EYS: variants seen among roughly 807,000 people sequenced by gnomAD.
The protein encoded by EYS is EGF-like photoreceptor maintenance factor.
Under a neutral mutation model 282.1 loss-of-function variants are expected in EYS, and 250 were observed. That is an observed-to-expected ratio of 0.89 (90% CI 0.80 to 0.98). The LOEUF is 0.98. Ranked by LOEUF, EYS falls within the 50% of genes least tolerant of loss-of-function variation. The pLI is 0.00. For synonymous variants in EYS, 1,355 were observed against 1,282.9 expected, an observed-to-expected ratio of 1.06 and a Z score of -1.20; for missense variants, 4,016 against 3,709.0, an observed-to-expected ratio of 1.08 and a Z score of -2.15.
At chr6:64,896,760 T>C (rs565626062) in intron 18 of EYS, among the ~76,000 whole-genome samples, 4 of 151,994 alleles carry the variant, frequency 2.6e-5, no homozygotes, top group Non-Finnish European at 4.4e-5. Flanking sequence ...TGGAGTTTAG[T>C]TGAGGGAGGG....
intron 22 of EYS, among the ~76,000 whole-genome samples, chr6:64,732,050 C>A (rs531578600): frequency 6.6e-6 from 1 of 152,102 alleles, no homozygotes; most frequent in South Asian, 2.1e-4. Flanking sequence ...TCTCAGCAAA[C>A]TAACAGAGGA....
intron 2 of EYS, among the ~76,000 whole-genome samples, chr6:65,527,207 A>G (rs1234192484): frequency 6.6e-6 from 1 of 152,178 alleles, no homozygotes; most frequent in East Asian, 1.9e-4. Flanking sequence ...TATTCTGGTT[A>G]ACCCCAAGTA....
In EYS at chr6:65,495,389, T is replaced by C; in HGVS notation, c.22A>G (p.Ile8Val). ...CTGTGAAAAACCATCAGGCTCAGAA[T>C]GACGATTGATTTGTCAGTCATTTTC... MTDKSIVILSLMVFHSSF... is the reference protein window; with the variant it reads MTDKSIVVLSLMVFHSSF... Residue 8 changes from isoleucine (I) to valine (V), a missense_variant, in exon 4 of 43, where the codon ATT (isoleucine) becomes GTT (valine). Physicochemically the swap from Ile to Val is conservative, Grantham distance 29. Coordinates refer to ENST00000503581, the MANE Select transcript of EYS (RefSeq NM_001142800.2). 6.2e-7 allele frequency: 1 copy of C among 1,611,806 alleles called. No individual in the cohort carries two copies. Among genetic ancestry groups the C allele is most frequent in the Non-Finnish European group, 8.5e-7 (1 of 1,179,990 alleles).
At chr6:64,567,753 A>G (rs1277286082) in intron 26 of EYS, among the ~76,000 whole-genome samples, 1 of 152,240 alleles carries the variant, frequency 6.6e-6, no homozygotes, top group Non-Finnish European at 1.5e-5. Flanking sequence ...ATAAAAATGT[A>G]ATTTACAAAA....
At chr6:64,450,341 C>T (rs912147268) in intron 26 of EYS, among the ~76,000 whole-genome samples, 1 of 152,154 alleles carries the variant, frequency 6.6e-6, no homozygotes, top group South Asian at 2.1e-4. Context: ...AATACAGGAG[C>T]ACCCAGATTC....
At chr6:64,942,827 CAA>C (rs34826658) in intron 15 of EYS, among the ~76,000 whole-genome samples, 3 of 94,314 alleles carry the variant, frequency 3.2e-5, no homozygotes, top group Admixed American at 1.2e-4. Context: ...GTAACTCTTC[CAA>C]AAAAAAAAAA....
chr6:64,930,531 T>C (rs544156167), intron 15 of EYS, among the ~76,000 whole-genome samples: 1 of 151,976 alleles, frequency 6.6e-6, no homozygotes, highest in East Asian at 1.9e-4. Flanking sequence ...AGTTTTTATT[T>C]GATGTGTTAA....
intron 1 of EYS, among the ~76,000 whole-genome samples, chr6:65,697,373 A>G (rs1486203879): frequency 1.3e-5 from 2 of 152,068 alleles, no homozygotes; most frequent in East Asian, 1.9e-4. Flanking sequence ...CATGCTTTAC[A>G]ATGTCCACAT....
intron 24 of EYS, among the ~76,000 whole-genome samples, chr6:64,594,372 T>C (rs1766508287): frequency 6.6e-6 from 1 of 152,130 alleles, no homozygotes; most frequent in Non-Finnish European, 1.5e-5. Flanking sequence ...AGCAGCATGA[T>C]TTATAATCCT....
chr6:65,423,169 GT>G (rs962771162), intron 5 of EYS, among the ~76,000 whole-genome samples: 3 of 151,712 alleles, frequency 2.0e-5, no homozygotes, highest in Non-Finnish European at 4.4e-5. Flanking sequence ...ATTCAGATTG[GT>G]TTTTATCGTT....
At chr6:64,369,516 C>T (rs1210387054) in intron 29 of EYS, among the ~76,000 whole-genome samples, 2 of 152,116 alleles carry the variant, frequency 1.3e-5, no homozygotes, top group Non-Finnish European at 2.9e-5. Flanking sequence ...ACCACTTTCA[C>T]AATATTGGTT....
rs1183200963 is a variant in EYS, at chr6:63,721,731, G to A, written c.8300C>T (p.Thr2767Ile). The A allele has an allele frequency of 6.4e-7, 1 of 1,550,748 alleles. No individual in the cohort carries two copies. Among genetic ancestry groups the A allele is most frequent in the Admixed American group, 2.0e-5 (1 of 50,966 alleles). The change falls in exon 43 of 43, where the codon ACT becomes ATT. Residue 2767 changes from threonine (T) to isoleucine (I), a missense_variant. Thr to Ile is a moderately conservative substitution (Grantham distance 89). Transcript: ENST00000503581. ...TTTTTGGAGAGTTTCTAGAATGATAGTTCTGTCGCCAAGGTTGTAGCGAAG... is the reference window on the plus strand; with the variant it reads ...TTTTTGGAGAGTTTCTAGAATGATAATTCTGTCGCCAAGGTTGTAGCGAAG... ...VQLRYNLGDRTIILETLQKVT... is the reference protein window; with the variant it reads ...VQLRYNLGDRIIILETLQKVT...
intron 12 of EYS, among the ~76,000 whole-genome samples, chr6:65,294,114 G>C (rs746796301): frequency 1.3e-5 from 2 of 151,708 alleles, no homozygotes; most frequent in Non-Finnish European, 2.9e-5. Flanking sequence ...AAGAATTCAA[G>C]ATGAAGGGAG....
At chr6:64,424,887 A>G (rs1774352456) in intron 28 of EYS, among the ~76,000 whole-genome samples, 3 of 152,220 alleles carry the variant, frequency 2.0e-5, no homozygotes, top group Admixed American at 2.0e-4. Flanking sequence ...ACTTGAGAGG[A>G]AAAATTTTAG....
At chr6:64,707,769 C>A (rs1771082437) in intron 22 of EYS, among the ~76,000 whole-genome samples, 1 of 151,346 alleles carries the variant, frequency 6.6e-6, no homozygotes, top group African/African-American at 2.4e-5. Flanking sequence ...GTAACCAAAT[C>A]CCACTGGTTA....
At chr6:63,827,930 A>G (rs1473031577) in intron 36 of EYS, among the ~76,000 whole-genome samples, 1 of 152,254 alleles carries the variant, frequency 6.6e-6, no homozygotes, top group East Asian at 1.9e-4. Flanking sequence ...ATCAACTCCA[A>G]AAGGAACCTT....
At chr6:64,950,802 T>TATATATAC (rs1769468638) in intron 14 of EYS, among the ~76,000 whole-genome samples, 1 of 78,298 alleles carries the variant, frequency 1.3e-5, no homozygotes, top group Non-Finnish European at 2.7e-5. Flanking sequence ...CATATACATA[T>TATATATAC]ATATATATAT....
chr6:65,037,536 C>T (rs557608875), intron 13 of EYS, among the ~76,000 whole-genome samples: 77 of 151,722 alleles, frequency 5.1e-4, no homozygotes, highest in East Asian at 3.9e-3. Context: ...TTTTCTCTTC[C>T]GTATGATTTT....
At chr6:65,318,729 C>T (rs943374929) in intron 11 of EYS, among the ~76,000 whole-genome samples, 12 of 150,732 alleles carry the variant, frequency 8.0e-5, no homozygotes, top group Admixed American at 1.3e-4. Flanking sequence ...GCAGCCTCCG[C>T]CTCCTGGGTT....
Sources: gnomAD v4.1 joint callset for allele counts (sites outside exome capture counted in the v4.1 genomes callset) on GRCh38, gnomAD v4.1.1 for gene constraint, MANE v1.5 for transcripts, NCBI Gene and HGNC (gene_info 2026-07-23, HGNC 2026-07-21) for gene names.